The following KRI1 variants were observed in gnomAD, a reference collection of about 807,000 sequenced individuals.
The protein encoded by KRI1 is protein KRI1 homolog.
Under a neutral mutation model 97.0 loss-of-function variants are expected in KRI1, and 83 were observed. That is an observed-to-expected ratio of 0.86 (90% CI 0.72 to 1.03). The LOEUF is 1.03. KRI1 is among the 50% of genes least tolerant of loss of function. The pLI is 0.00. For synonymous variants in KRI1, 371 were observed against 363.5 expected (o/e 1.02, Z -0.23); for missense variants, 916 against 928.4 (o/e 0.99, Z 0.17).
Position 10,554,277 on chromosome 19 carries a change from C to T in KRI1, c.1786G>A (p.Glu596Lys), listed in dbSNP as rs1178122236. ...TTCCCTGTGGCTTCCGCAGGTGTCT[C>T]TGCCCTGAGGGAGAAAAGTCAGGGC... ...VFKSLCREEA[E>K]TPAEATGKPQ... is the part of the protein sequence containing the mutation. Residue 596 changes from glutamate to lysine, a missense_variant, in exon 19 of 19, where the codon GAG (glutamate) becomes AAG (lysine). Glu to Lys is a moderately conservative substitution (Grantham distance 56). Coordinates refer to ENST00000312962, the MANE Select transcript of KRI1 (RefSeq NM_023008.5). 3.7e-6 allele frequency: 6 copies of T among 1,613,644 alleles called. No homozygotes were observed. In the East Asian group the frequency reaches 1.3e-4, roughly 36 times the overall value.
chr19:10,559,056 A>G (rs10404446), intron 12 of KRI1, among the ~76,000 whole-genome samples: 47,738 of 144,448 alleles, frequency 0.33, 8,777 homozygotes, highest in African/African-American at 0.51. Context: ...CCAGGCTGGA[A>G]TGCAGTGGCA....
At position 10,562,778 on chromosome 19, in the gene KRI1, G is replaced by T. The variant is rs1362768218; in HGVS notation, c.334C>A (p.Pro112Thr). 1 of 1,613,296 alleles carries T rather than the reference G, an allele frequency of 6.2e-7. No homozygotes were observed. Among genetic ancestry groups the T allele is most frequent in the South Asian group, 1.1e-5 (1 of 91,062 alleles). Reference sequence around the variant, plus strand: ...CTCTCGTAGTCCTTCAGGTACATGGGCCGCACTTTCTTCTGCTTCTCCAAG... The same window carrying T: ...CTCTCGTAGTCCTTCAGGTACATGGTCCGCACTTTCTTCTGCTTCTCCAAG... Reference protein sequence around the residue: ...EALEKQKKVRPMYLKDYERKV... With the variant: ...EALEKQKKVRTMYLKDYERKV... Residue 112 changes from proline (P) to threonine (T), a missense_variant, in exon 4 of 19, where the codon CCC (proline) becomes ACC (threonine). By Grantham distance (38) the Pro-to-Thr change is conservative (BLOSUM62 -1). Transcript: ENST00000312962.
Position 10,561,036 on chromosome 19 carries a change from T to C in KRI1, c.630A>G (p.Lys210=), listed in dbSNP as rs752225511. 1.1e-5 allele frequency: 18 copies of C among 1,614,066 alleles called. No individual in the cohort carries two copies. In the South Asian group the frequency reaches 1.9e-4, roughly 17 times the overall value. The change falls in exon 8 of 19, where the codon AAA becomes AAG. Residue 210 remains lysine, a synonymous_variant. Coordinates refer to ENST00000312962, the MANE Select transcript of KRI1 (RefSeq NM_023008.5). ...TCAGGGAATCTGGGTTCCGAATCTC[T>C]TTCTGTCCCTTCAGCCACTCGATGT... is the stretch of plus-strand genomic sequence containing the variant. ...ADYIEWLKGQ[K]EIRNPDSLKE... is the part of the protein sequence containing the mutation.
chr19:10,558,362 C>T, intron 12 of KRI1, 123 bp from the exon 13 acceptor site: 1 of 792,892 alleles, frequency 1.3e-6, no homozygotes, highest in Non-Finnish European at 2.1e-6. Context: ...TCCCTACAGC[C>T]CTCCCAGCAC....
rs574486922 is a variant in KRI1 at position 10,553,497 on chromosome 19, G to C, written c.*454C>G. On this transcript the variant is annotated 3_prime_UTR_variant, in exon 19 of 19. Coordinates refer to ENST00000312962, the MANE Select transcript of KRI1 (RefSeq NM_023008.5). ...TCTCGAGGTGAGAGCTCCAAGTCAC[G>C]GGAAGTTTAAGTCAGCCTCAGTTTC... 6 of 185,310 alleles carry C rather than the reference G, an allele frequency of 3.2e-5. No individual in the cohort carries two copies. The East Asian group carries it at 8.7e-4, about 27-fold the overall frequency. The allele number at this position is 185,310 out of a possible 1,614,324, so 11.5% of individuals were successfully genotyped here. A position where few individuals can be genotyped will look rare whatever the true frequency, so the allele number is the denominator to read the frequency against.
In KRI1 at chr19:10,561,180, T is replaced by C; in HGVS notation, c.574A>G (p.Arg192Gly). ...SSLLQKRAKT[R>G]QEKAQEEADY... ...GCCCCAGTACCCACCTTCTCCTGCCTGGTTTTGGCACGTTTCTGCAGCAAA... is the reference window on the plus strand; with the variant it reads ...GCCCCAGTACCCACCTTCTCCTGCCCGGTTTTGGCACGTTTCTGCAGCAAA... Residue 192 changes from arginine to glycine, a missense_variant, in exon 7 of 19, where the codon AGG becomes GGG. Transcript: ENST00000312962. 8.1e-6 allele frequency: 13 copies of C among 1,614,124 alleles called. No homozygotes were observed. The highest frequency in any genetic ancestry group is 1.1e-5 in the Non-Finnish European group (13 of 1,180,008).
intron 8 of KRI1, 100 bp from the exon 9 acceptor site, chr19:10,560,548 G>T: frequency 1.2e-6 from 1 of 829,114 alleles, no homozygotes; most frequent in Non-Finnish European, 1.9e-6. Flanking sequence ...TGGAGTAGGT[G>T]ACATTAGCCC....
chr19:10,555,044 T>TG, intron 18 of KRI1, 43 bp downstream of exon 18: 1 of 1,523,308 alleles, frequency 6.6e-7, no homozygotes, highest in South Asian at 1.1e-5. Flanking sequence ...AGCCTGGGCC[T>TG]GACAGGCTCC....
In KRI1 at chr19:10,553,989, G is replaced by C. The variant is rs556708331; in HGVS notation, c.2074C>G (p.Gln692Glu). The C allele has an allele frequency of 6.2e-7, 1 of 1,612,142 alleles. No homozygotes were observed. The highest frequency in any genetic ancestry group is 1.3e-5 in the African/African-American group (1 of 75,000). Reference sequence around the variant, plus strand: ...TTGGGCCCCTGTTGTTTCCTCCGCTGCCGGCCCAGCTGGCGGAAGTGCAGC... The same window carrying C: ...TTGGGCCCCTGTTGTTTCCTCCGCTCCCGGCCCAGCTGGCGGAAGTGCAGC... ...KRLHFRQLGRQRRKQQGPKNS... is the reference protein window; with the variant it reads ...KRLHFRQLGRERRKQQGPKNS... Residue 692 changes from glutamine (Q) to glutamate (E), a missense_variant, in exon 19 of 19, where the codon CAG (glutamine) becomes GAG (glutamate). By Grantham distance (29) the Gln-to-Glu change is conservative. Coordinates refer to ENST00000312962, the MANE Select transcript of KRI1 (RefSeq NM_023008.5).
Position 10,565,900 on chromosome 19 carries a change from A to C in KRI1, c.94+6T>G. 1 of 1,530,634 alleles carries C rather than the reference A, an allele frequency of 6.5e-7. No homozygotes were observed. The highest frequency in any genetic ancestry group is 8.8e-7 in the Non-Finnish European group (1 of 1,138,788). The allele number at this position is 1,530,634 out of a possible 1,614,324, so 94.8% of individuals were successfully genotyped here. On this transcript the variant is annotated splice_donor_region_variant and intron_variant, in intron 1 of 18. Transcript: ENST00000312962. ...AGGCTCCCGCGCGCATGCGCCCCGC[A>C]CTCACGCCGCTGCAGTTCCTCGCGC...
intron 13 of KRI1, 32 bp from the exon 14 acceptor site, chr19:10,558,092 A>T: frequency 1.2e-6 from 2 of 1,613,832 alleles, no homozygotes; most frequent in Non-Finnish European, 1.7e-6. Flanking sequence ...AGGTGGGGCC[A>T]GGGTGGGACC....
At chr19:10,562,629 G>T in intron 4 of KRI1, 100 bp downstream of exon 4, 1 of 726,982 alleles carries the variant, frequency 1.4e-6, no homozygotes. Context: ...CACCATGCCC[G>T]GCCCAGGCTG....
In KRI1 at chr19:10,559,591, C is replaced by T. The variant is rs1916626646; in HGVS notation, c.1023+22G>A. On this transcript the variant is annotated intron_variant, in intron 11 of 18. Coordinates refer to ENST00000312962, the MANE Select transcript of KRI1 (RefSeq NM_023008.5). ...TTCCTCCAGGGCTGGGGGGTCCTCC[C>T]CAGCTCACCCCCCACACTCACCCTC... The T allele has an allele frequency of 2.5e-6, 4 of 1,613,540 alleles. No individual in the cohort carries two copies. The South Asian group carries it at 3.3e-5, about 13-fold the overall frequency.
chr19:10,559,549 G>GGGGGA lies in KRI1; in HGVS notation c.1024-25_1024-21dup. 6.2e-7 allele frequency: 1 copy of GGGGGA among 1,613,860 alleles called. No individual in the cohort carries two copies. The highest frequency in any genetic ancestry group is 8.5e-7 in the Non-Finnish European group (1 of 1,179,962). ...TTTCTCCTGCAGGCCCAGGCAGAGA[G>GGGGGA]GGGGAGGGCATGGGCTTTCCTCCAG... On this transcript the variant is annotated intron_variant, in intron 11 of 18. Coordinates refer to ENST00000312962, the MANE Select transcript of KRI1 (RefSeq NM_023008.5).
intron 12 of KRI1, 63 bp downstream of exon 12, chr19:10,559,296 T>C: frequency 6.4e-7 from 1 of 1,563,304 alleles, no homozygotes; most frequent in Non-Finnish European, 8.7e-7. Context: ...TGAGCCACCG[T>C]GGCCAGTGAG....
chr19:10,565,454 G>A, intron 2 of KRI1: 2 of 553,824 alleles, frequency 3.6e-6, no homozygotes, highest in South Asian at 4.6e-5. Flanking sequence ...AAAGAGGAAA[G>A]GGGGGGTTCT....
chr19:10,562,980 T>C, intron 3 of KRI1, 143 bp from the exon 4 acceptor site: 1 of 604,136 alleles, frequency 1.7e-6, no homozygotes, highest in Non-Finnish European at 3.1e-6. Context: ...AGTATTGTGC[T>C]TGTCACCATC....
At chr19:10,560,977 A>G in intron 8 of KRI1, 26 bp downstream of exon 8, 3 of 1,573,492 alleles carry the variant, frequency 1.9e-6, no homozygotes, top group Non-Finnish European at 2.6e-6. Flanking sequence ...GGTCTACTCC[A>G]TCAGCGACCA....
At chr19:10,561,290 C>T in intron 6 of KRI1, 25 bp from the exon 7 acceptor site, 2 of 1,602,774 alleles carry the variant, frequency 1.2e-6, no homozygotes, top group Non-Finnish European at 1.7e-6. Flanking sequence ...AAACAAGCCT[C>T]AGGACAGGCA....
Sources: gnomAD v4.1 joint callset for allele counts (sites outside exome capture counted in the v4.1 genomes callset) on GRCh38, gnomAD v4.1.1 for gene constraint, MANE v1.5 for transcripts, NCBI Gene and HGNC (gene_info 2026-07-23, HGNC 2026-07-21) for gene names.